The following ZNF469 variants were observed in gnomAD, a reference collection of about 807,000 sequenced individuals.
ZNF469 encodes zinc finger protein 469.
In ZNF469, 1 loss-of-function variant was observed where a neutral mutation model predicts 1.0. The observed-to-expected ratio is 1.00, with a 90% CI of 0.35 to 4.73. The LOEUF (loss-of-function observed/expected upper bound fraction) is 4.73, where lower values mean the gene tolerates loss of function less well. Among genes scored for constraint, ZNF469 ranks in the 30% most tolerant of loss-of-function variants. The pLI is 0.16. For missense variants in ZNF469, 6,100 were observed against 5,356.3 expected (o/e 1.14, Z -4.33); for synonymous variants, 2,703 against 2,363.4 (o/e 1.14, Z -4.17).
chr16:88,380,710 A>C (rs2092520163), upstream of ZNF469, among the ~76,000 whole-genome samples: 2 of 144,556 alleles, frequency 1.4e-5, no homozygotes, highest in South Asian at 4.4e-4. Flanking sequence ...ACACTCAGAC[A>C]TGCACTCATA....
At chr16:88,132,826 A>G in the ZNF469 span, among the ~76,000 whole-genome samples, 6 of 152,314 alleles carry the variant, frequency 3.9e-5, no homozygotes, top group East Asian at 1.2e-3. Flanking sequence ...GCCTCCGCAC[A>G]GCATCAGTTA....
chr16:88,182,327 T>C, the ZNF469 span, among the ~76,000 whole-genome samples: 1 of 151,670 alleles, frequency 6.6e-6, no homozygotes. Flanking sequence ...TCCAATGGAA[T>C]CACAATCAAA....
Position 88,439,168 on chromosome 16 carries a change from C to A in ZNF469, c.11698C>A (p.Pro3900Thr), listed in dbSNP as rs1290659929. 6.4e-7 allele frequency: 1 copy of A among 1,550,534 alleles called. No homozygotes were observed. The highest frequency in any genetic ancestry group is 8.7e-7 in the Non-Finnish European group (1 of 1,146,986). ...RLGKAFPQGRPLLRPPKRGTA... is the reference protein window; with the variant it reads ...RLGKAFPQGRTLLRPPKRGTA... ...GGGCAAGGCCTTCCCCCAGGGGAGA[C>A]CCCTGCTCAGGCCCCCCAAGAGGGG... The change falls in exon 3 of 3, where the codon CCC becomes ACC. Residue 3900 changes from proline to threonine, a missense_variant. Pro to Thr is a conservative substitution (Grantham distance 38, BLOSUM62 -1). Transcript: ENST00000565624.
Position 88,429,269 on chromosome 16 carries a change from C to T in ZNF469, c.1799C>T (p.Thr600Met), listed in dbSNP as rs749374208. 33 of 1,549,776 alleles carry T rather than the reference C, an allele frequency of 2.1e-5. No homozygotes were observed. The highest frequency in any genetic ancestry group is 1.9e-4 in the South Asian group (16 of 84,056). Residue 600 changes from threonine (T) to methionine (M), a missense_variant, in exon 3 of 3, where the codon ACG (threonine) becomes ATG (methionine). Thr to Met is a moderately conservative substitution (Grantham distance 81). Transcript: ENST00000565624. Reference sequence around the variant, plus strand: ...CCACTGCCGTCACCGGCCACCAACACGGCCGGCAGCACCTGCTCTTCCCTG... The same window carrying T: ...CCACTGCCGTCACCGGCCACCAACATGGCCGGCAGCACCTGCTCTTCCCTG... ...ESPLPSPATN[T>M]AGSTCSSLSP... is the part of the protein sequence containing the mutation.
the ZNF469 span, among the ~76,000 whole-genome samples, chr16:88,246,588 C>T: frequency 2.6e-4 from 39 of 152,344 alleles, no homozygotes; most frequent in Admixed American, 5.2e-4. Context: ...CTGGCACCAA[C>T]CCAGAATTTT....
At chr16:88,187,455 G>T in the ZNF469 span, among the ~76,000 whole-genome samples, 1 of 152,246 alleles carries the variant, frequency 6.6e-6, no homozygotes, top group Admixed American at 6.5e-5. Context: ...ACATCTCACA[G>T]GCCCTCTGTA....
chr16:88,106,560 G>T, the ZNF469 span, among the ~76,000 whole-genome samples: 21 of 152,250 alleles, frequency 1.4e-4, no homozygotes, highest in Middle Eastern at 3.2e-3. Flanking sequence ...CTGTGCCCAC[G>T]TGTCTAGGCC....
the ZNF469 span, among the ~76,000 whole-genome samples, chr16:88,245,462 G>T: frequency 1.3e-5 from 2 of 152,268 alleles, no homozygotes; most frequent in Non-Finnish European, 2.9e-5. Flanking sequence ...CAGCAGGGCT[G>T]AAGTTCACTG....
the ZNF469 span, among the ~76,000 whole-genome samples, chr16:88,272,596 G>A: frequency 2.6e-5 from 4 of 152,026 alleles, no homozygotes; most frequent in Admixed American, 6.6e-5. Flanking sequence ...ACAGGTTGGT[G>A]TATGGATGGA....
the ZNF469 span, among the ~76,000 whole-genome samples, chr16:88,262,738 C>A: frequency 6.6e-6 from 1 of 152,134 alleles, no homozygotes; most frequent in African/African-American, 2.4e-5. The surrounding 1 kb of genome is among the most constrained non-coding windows in gnomAD (Gnocchi z 4.3). Context: ...CTGGGCAGGG[C>A]CAGGGATGCT....
chr16:88,190,543 A>G, the ZNF469 span, among the ~76,000 whole-genome samples: 3 of 152,204 alleles, frequency 2.0e-5, no homozygotes, highest in South Asian at 2.1e-4. Flanking sequence ...GATCACACAC[A>G]GCCACGTCCT....
At chr16:88,390,168 C>T (rs572842472) in intron 1 of ZNF469, among the ~76,000 whole-genome samples, 142 of 152,334 alleles carry the variant, frequency 9.3e-4, no homozygotes, top group Non-Finnish European at 1.7e-3. Flanking sequence ...CTGTGCTCTC[C>T]AGGCAGAGGG....
At position 88,430,553 on chromosome 16, in the gene ZNF469, G is replaced by C; in HGVS notation, c.3083G>C (p.Arg1028Pro). The C allele has an allele frequency of 6.8e-7, 1 of 1,470,146 alleles. No individual in the cohort carries two copies. Among genetic ancestry groups the C allele is most frequent in the Non-Finnish European group, 8.9e-7 (1 of 1,117,840 alleles). The allele number at this position is 1,470,146 out of a possible 1,614,324, so 91.1% of individuals were successfully genotyped here. Reference protein sequence around the residue: ...LPEETRSSRRRRLPPRKDPRK... With the variant: ...LPEETRSSRRPRLPPRKDPRK... ...GAGGAGACCCGCAGCTCCCGGCGCCGCCGGCTGCCCCCCAGGAAGGACCCC... is the reference window on the plus strand; with the variant it reads ...GAGGAGACCCGCAGCTCCCGGCGCCCCCGGCTGCCCCCCAGGAAGGACCCC... The change falls in exon 3 of 3, where the codon CGC (arginine) becomes CCC (proline). Residue 1028 changes from arginine to proline, a missense_variant. Arg to Pro is a moderately radical substitution (Grantham distance 103). Transcript: ENST00000565624.
the ZNF469 span, among the ~76,000 whole-genome samples, chr16:88,114,468 G>C: frequency 5.9e-4 from 82 of 138,222 alleles, no homozygotes; most frequent in South Asian, 2.1e-3. Context: ...CACACTCACT[G>C]ACTGCGGGGG....
At chr16:88,183,505 C>A in the ZNF469 span, among the ~76,000 whole-genome samples, 6 of 152,116 alleles carry the variant, frequency 3.9e-5, no homozygotes, top group African/African-American at 1.4e-4. Flanking sequence ...AAGCCTGCTG[C>A]GAAGTGAAGG....
At chr16:88,332,692 G>A in the ZNF469 span, among the ~76,000 whole-genome samples, 1 of 152,242 alleles carries the variant, frequency 6.6e-6, no homozygotes, top group Admixed American at 6.5e-5. Context: ...TCCAGAACCC[G>A]TGGGTTGAGA....
At chr16:88,319,927 T>G in the ZNF469 span, among the ~76,000 whole-genome samples, 2 of 152,246 alleles carry the variant, frequency 1.3e-5, no homozygotes, top group East Asian at 3.9e-4. Context: ...GGTGGGCTCC[T>G]GACCCTCATG....
chr16:88,140,528 T>C, the ZNF469 span, among the ~76,000 whole-genome samples: 3 of 149,520 alleles, frequency 2.0e-5, no homozygotes, highest in East Asian at 5.8e-4. Flanking sequence ...AGAGACGCGA[T>C]GTTCAAAGAT....
At chr16:88,224,819 C>A in the ZNF469 span, among the ~76,000 whole-genome samples, 1 of 152,224 alleles carries the variant, frequency 6.6e-6, no homozygotes, top group East Asian at 1.9e-4. Context: ...CCTGGGCCCA[C>A]AGCCTTTTGA....
Sources: allele counts gnomAD v4.1 joint callset (sites outside exome capture counted in the v4.1 genomes callset), GRCh38; gene constraint gnomAD v4.1.1; non-coding constraint Gnocchi (gnomAD v3.1); transcripts MANE v1.5; gene names NCBI Gene and HGNC (gene_info 2026-07-23, HGNC 2026-07-21).